AGBL4: variants seen among roughly 807,000 people sequenced by gnomAD.
AGBL4 encodes cytosolic carboxypeptidase 6.
Under a neutral mutation model 66.4 loss-of-function variants are expected in AGBL4, and 58 were observed. The observed-to-expected ratio is 0.87, with a 90% CI of 0.71 to 1.09. The LOEUF (loss-of-function observed/expected upper bound fraction) is 1.09, where lower values mean the gene tolerates loss of function less well. Ranked by LOEUF, AGBL4 falls within the 50% of genes least tolerant of loss-of-function variation. The probability of loss-of-function intolerance (pLI) is 0.00; values close to 1 mark genes in which losing one functional copy is unlikely to be tolerated. For missense variants in AGBL4, 579 were observed against 631.0 expected (o/e 0.92, Z 0.88); for synonymous variants, 234 against 222.9 (o/e 1.05, Z -0.44).
At chr1:48,720,258 A>C (rs1430941146) in intron 6 of AGBL4, among the ~76,000 whole-genome samples, 2 of 152,226 alleles carry the variant, frequency 1.3e-5, no homozygotes, top group Admixed American at 6.5e-5. Flanking sequence ...ACCAGAGGTC[A>C]CAAGAGGTGC....
At chr1:49,812,507 T>C (rs1410123020) in intron 2 of AGBL4, among the ~76,000 whole-genome samples, 1 of 152,200 alleles carries the variant, frequency 6.6e-6, no homozygotes, top group East Asian at 1.9e-4. Flanking sequence ...TCTACATTCT[T>C]CCAACCTAAC....
chr1:49,885,981 T>C (rs1647992616), intron 1 of AGBL4, among the ~76,000 whole-genome samples: 1 of 152,156 alleles, frequency 6.6e-6, no homozygotes, highest in South Asian at 2.1e-4. Context: ...GATCTTGGAC[T>C]TCTCTATTTT....
intron 1 of AGBL4, among the ~76,000 whole-genome samples, chr1:49,860,647 C>T (rs1324653130): frequency 1.3e-5 from 2 of 151,968 alleles, no homozygotes; most frequent in Admixed American, 6.6e-5. Flanking sequence ...TGCAGTGAGC[C>T]GTGATTGTGC....
At chr1:48,629,656 T>C (rs902797381) in intron 9 of AGBL4, among the ~76,000 whole-genome samples, 4 of 152,090 alleles carry the variant, frequency 2.6e-5, no homozygotes, top group Admixed American at 2.0e-4. Context: ...ATGGGGTAGA[T>C]GCCGAGTCCA....
intron 6 of AGBL4, chr1:48,742,840 G>C (rs1650128337): frequency 7.1e-7 from 1 of 1,409,200 alleles, no homozygotes; most frequent in Non-Finnish European, 9.4e-7. Context: ...TTTTAACTAG[G>C]CATCTATCAG....
At chr1:49,220,979 T>C (rs1649451964) in intron 4 of AGBL4, among the ~76,000 whole-genome samples, 1 of 152,100 alleles carries the variant, frequency 6.6e-6, no homozygotes, top group African/African-American at 2.4e-5. Flanking sequence ...CTAAGCTAAA[T>C]ATAGTGGGCA....
chr1:49,402,359 T>A (rs1286815012), intron 3 of AGBL4, among the ~76,000 whole-genome samples: 3 of 152,186 alleles, frequency 2.0e-5, no homozygotes, highest in South Asian at 4.1e-4. Context: ...ATCCCCTAAG[T>A]TTTGGTATAC....
the AGBL4 span, among the ~76,000 whole-genome samples, chr1:48,523,046 G>A: frequency 1.3e-5 from 2 of 152,150 alleles, no homozygotes; most frequent in Non-Finnish European, 2.9e-5. Context: ...GTTGAAGGGG[G>A]TGTTCCTAGA....
At chr1:48,645,209 A>T (rs569707299) in intron 8 of AGBL4, among the ~76,000 whole-genome samples, 1 of 152,296 alleles carries the variant, frequency 6.6e-6, no homozygotes, top group South Asian at 2.1e-4. Context: ...CCACAGAAAC[A>T]TCACTCAGGT....
chr1:49,324,832 A>G (rs1362869907), intron 3 of AGBL4, among the ~76,000 whole-genome samples: 1 of 152,200 alleles, frequency 6.6e-6, no homozygotes, highest in Non-Finnish European at 1.5e-5. Context: ...CTATATATAT[A>G]TCCAGTGTTT....
At chr1:49,125,256 C>T (rs1418009313) in intron 4 of AGBL4, among the ~76,000 whole-genome samples, 1 of 151,864 alleles carries the variant, frequency 6.6e-6, no homozygotes, top group African/African-American at 2.4e-5. Context: ...TATTTGGTAC[C>T]TTTTATATGT....
intron 4 of AGBL4, among the ~76,000 whole-genome samples, chr1:49,129,529 G>T (rs963972945): frequency 5.5e-5 from 8 of 146,372 alleles, no homozygotes; most frequent in Admixed American, 7.1e-5. Context: ...TGTTCTCATT[G>T]TTCAATTCCC....
At chr1:48,643,077 A>G (rs1464917385) in intron 8 of AGBL4, among the ~76,000 whole-genome samples, 1 of 152,206 alleles carries the variant, frequency 6.6e-6, no homozygotes, top group African/African-American at 2.4e-5. Context: ...AATGCCAAGG[A>G]CACCATCTAG....
intron 8 of AGBL4, among the ~76,000 whole-genome samples, chr1:48,645,313 G>A (rs1259514178): frequency 6.6e-6 from 1 of 152,156 alleles, no homozygotes; most frequent in East Asian, 1.9e-4. Context: ...CACTCACTGT[G>A]TGACCTTGAG....
At chr1:49,534,844 G>A (rs970142824) in intron 3 of AGBL4, among the ~76,000 whole-genome samples, 2 of 152,186 alleles carry the variant, frequency 1.3e-5, no homozygotes, top group South Asian at 4.1e-4. Context: ...TGAAGTTCAC[G>A]GTACTGCTGA....
intron 5 of AGBL4, among the ~76,000 whole-genome samples, chr1:49,044,284 G>A (rs6688510): frequency 0.019 from 2,896 of 152,142 alleles, 102 homozygotes; most frequent in African/African-American, 0.067. Flanking sequence ...GATCGCCTGA[G>A]GTCAGGAGTT....
chr1:48,763,543 A>T (rs529915923), intron 6 of AGBL4, among the ~76,000 whole-genome samples: 1 of 152,190 alleles, frequency 6.6e-6, no homozygotes, highest in East Asian at 1.9e-4. Context: ...TGAGGGTGGT[A>T]TTAGGATTTC....
At chr1:48,844,085 G>T (rs1157131848) in intron 6 of AGBL4, among the ~76,000 whole-genome samples, 1 of 152,148 alleles carries the variant, frequency 6.6e-6, no homozygotes, top group Non-Finnish European at 1.5e-5. Flanking sequence ...CAGCCATGCT[G>T]GTCTTTGTCA....
intron 1 of AGBL4, among the ~76,000 whole-genome samples, chr1:49,867,060 C>A (rs948170311): frequency 6.6e-6 from 1 of 151,990 alleles, no homozygotes; most frequent in Non-Finnish European, 1.5e-5. Context: ...TGTGTTGCTG[C>A]TGAAAGGCCC....
Sources: allele counts gnomAD v4.1 joint callset (sites outside exome capture counted in the v4.1 genomes callset), GRCh38; gene constraint gnomAD v4.1.1; transcripts MANE v1.5; gene names NCBI Gene and HGNC (gene_info 2026-07-23, HGNC 2026-07-21).